CCDC146: variants seen among roughly 807,000 people sequenced by gnomAD.
CCDC146 encodes coiled-coil domain containing 146, also known as coiled-coil domain-containing protein 146.
CCDC146 carries 92 observed loss-of-function variants against 119.3 expected under a neutral mutation model. The ratio of observed to expected loss-of-function variants is 0.77; its 90% CI spans 0.65 to 0.92. CCDC146 has a LOEUF of 0.92. Among genes scored for constraint, CCDC146 ranks in the 40% least tolerant of loss-of-function variants. The pLI is 0.00. For missense variants in CCDC146, 1,000 were observed against 1,103.0 expected, an observed-to-expected ratio of 0.91 and a Z score of 1.32; for synonymous variants, 372 against 371.8, an observed-to-expected ratio of 1.00 and a Z score of -0.01.
chr7:77,177,958 A>C (rs983843030), intron 2 of CCDC146, among the ~76,000 whole-genome samples: 4 of 149,068 alleles, frequency 2.7e-5, no homozygotes, highest in African/African-American at 7.8e-5. Context: ...TGGGGTGGAA[A>C]TTTAAAAACT....
At chr7:77,163,311 G>T (rs1331745616) in intron 1 of CCDC146, among the ~76,000 whole-genome samples, 1 of 152,102 alleles carries the variant, frequency 6.6e-6, no homozygotes, top group Non-Finnish European at 1.5e-5. Context: ...AGCTGGGTGT[G>T]GTGGCACACG....
rs935867767 is a variant in CCDC146 at position 77,292,839 on chromosome 7, C to T, written c.2416-113C>T. 12 of 1,091,338 alleles carry T rather than the reference C, an allele frequency of 1.1e-5. No homozygotes were observed. The Admixed American group carries it at 1.9e-4, about 17-fold the overall frequency. The allele number at this position is 1,091,338 out of a possible 1,614,324, so 67.6% of individuals were successfully genotyped here. A position where few individuals can be genotyped will look rare whatever the true frequency, so the allele number is the denominator to read the frequency against. On this transcript the variant is annotated intron_variant, in intron 17 of 18. Transcript: ENST00000285871. ...AATTTCTGTGAATTCCAAGTTAGAC[C>T]CTCCTTCCTTCAGACAAAAATGCAC...
intron 11 of CCDC146, among the ~76,000 whole-genome samples, chr7:77,276,676 C>A (rs1793647596): frequency 6.6e-6 from 1 of 152,104 alleles, no homozygotes; most frequent in Admixed American, 6.5e-5. Context: ...AAGAAGTGGT[C>A]AGGGAGGACT....
chr7:77,186,660 G>A (rs532227490), intron 2 of CCDC146, among the ~76,000 whole-genome samples: 1 of 152,126 alleles, frequency 6.6e-6, no homozygotes, highest in South Asian at 2.1e-4. Context: ...AAATGCTTGA[G>A]GGGATGAATG....
At chr7:77,188,764 C>T (rs981163779) in intron 2 of CCDC146, among the ~76,000 whole-genome samples, 11 of 152,084 alleles carry the variant, frequency 7.2e-5, no homozygotes, top group Admixed American at 2.0e-4. Flanking sequence ...ACAAAAATAC[C>T]GTTGTTGACA....
intron 2 of CCDC146, among the ~76,000 whole-genome samples, chr7:77,175,850 T>C (rs1376680067): frequency 6.6e-6 from 1 of 151,356 alleles, no homozygotes; most frequent in South Asian, 2.1e-4. Flanking sequence ...CTAGATACCA[T>C]GAGAATTTAT....
intron 1 of CCDC146, among the ~76,000 whole-genome samples, chr7:77,166,585 T>C (rs1791340524): frequency 6.6e-6 from 1 of 151,812 alleles, no homozygotes; most frequent in Admixed American, 6.6e-5. Context: ...TATTACATTA[T>C]TGTTATTTTA....
At chr7:77,290,195 AACACATGG>A (rs1282406125) in intron 17 of CCDC146, among the ~76,000 whole-genome samples, 1 of 142,946 alleles carries the variant, frequency 7.0e-6, no homozygotes, top group Non-Finnish European at 1.5e-5. Context: ...GAACAATGAG[AACACATGG>A]ACACATGAAG....
At chr7:77,283,115 G>A (rs146265264) in intron 15 of CCDC146, among the ~76,000 whole-genome samples, 28 of 152,130 alleles carry the variant, frequency 1.8e-4, no homozygotes, top group African/African-American at 6.0e-4. Flanking sequence ...TAATTATGTC[G>A]TTGCTGCTTG....
chr7:77,274,566 A>C lies in CCDC146; in HGVS notation c.1354A>C (p.Lys452Gln). Residue 452 changes from lysine (K) to glutamine (Q), a missense_variant, in exon 11 of 19, where the codon AAA becomes CAA. This residue lies in a region of CCDC146 where 985 missense variants were observed against 1,045.3 expected (regional missense o/e 0.94). Transcript: ENST00000285871. ...NKLLKEQENM[K>Q]ELVVNLLRMT... The stretch of plus-strand genomic sequence containing the variant: ...GCTTTTAAAGGAGCAAGAAAACATG[A>C]AAGAGCTAGTAGTCAACCTTCTCCG... 6.2e-7 allele frequency: 1 copy of C among 1,613,448 alleles called. No homozygotes were observed. Among genetic ancestry groups the C allele is most frequent in the South Asian group, 1.1e-5 (1 of 91,012 alleles).
In CCDC146 at chr7:77,237,127, C is replaced by G. The variant is rs958281096; in HGVS notation, c.239+98C>G. 3 of 965,640 alleles carry G rather than the reference C, an allele frequency of 3.1e-6. 1 individual carries two copies. Among genetic ancestry groups the G allele is most frequent in the Non-Finnish European group, 1.6e-6 (1 of 613,414 alleles). The allele number at this position is 965,640 out of a possible 1,614,324, so 59.8% of individuals were successfully genotyped here. ...ATTTGCATTCCCCCATAAGCAGACC[C>G]TGAGGCAAGGATTTGCGTTCAGGGA... On this transcript the variant is annotated intron_variant, in intron 3 of 18. Transcript: ENST00000285871.
chr7:77,139,460 G>A (rs1416770286), intron 1 of CCDC146, among the ~76,000 whole-genome samples: 2 of 152,196 alleles, frequency 1.3e-5, no homozygotes, highest in Non-Finnish European at 2.9e-5. Context: ...TTATACATTT[G>A]TTCAGATACC....
At chr7:77,209,518 T>C (rs1289293312) in intron 2 of CCDC146, among the ~76,000 whole-genome samples, 2 of 152,208 alleles carry the variant, frequency 1.3e-5, no homozygotes, top group African/African-American at 2.4e-5. Context: ...TGCAAGCTGT[T>C]GGTGGATCTA....
intron 1 of CCDC146, among the ~76,000 whole-genome samples, chr7:77,144,118 A>T (rs901769044): frequency 1.3e-5 from 2 of 151,664 alleles, no homozygotes; most frequent in Non-Finnish European, 2.9e-5. Context: ...GTTCTCCTTG[A>T]AGAGGTCCTT....
chr7:77,240,996 T>C (rs1035059876), intron 3 of CCDC146, among the ~76,000 whole-genome samples: 17 of 149,184 alleles, frequency 1.1e-4, no homozygotes, highest in Admixed American at 9.9e-4. Context: ...GTTTGTTTGT[T>C]TGTTTTTTTG....
intron 4 of CCDC146, among the ~76,000 whole-genome samples, chr7:77,250,013 A>G (rs7810596): frequency 0.12 from 17,804 of 152,044 alleles, 1,212 homozygotes; most frequent in Non-Finnish European, 0.16. Context: ...GGAGTTTGCA[A>G]TATACATTTA....
At chr7:77,268,647 T>C (rs10276700) in intron 9 of CCDC146, among the ~76,000 whole-genome samples, 3,669 of 152,286 alleles carry the variant, frequency 0.024, 146 homozygotes, top group African/African-American at 0.083. Context: ...GAGAAAAATG[T>C]TAGTGAAAAA....
chr7:77,163,110 A>T (rs955847363), intron 1 of CCDC146, among the ~76,000 whole-genome samples: 5 of 152,144 alleles, frequency 3.3e-5, no homozygotes, highest in African/African-American at 1.2e-4. Flanking sequence ...TGCTCTGAGA[A>T]ATTGTCTGAA....
At chr7:77,132,948 G>A (rs1285146950) in intron 1 of CCDC146, among the ~76,000 whole-genome samples, 1 of 151,926 alleles carries the variant, frequency 6.6e-6, no homozygotes, top group East Asian at 1.9e-4. Context: ...AAGGTGGGTC[G>A]ATCACCTGAG....
Sources: allele counts gnomAD v4.1 joint callset (sites outside exome capture counted in the v4.1 genomes callset), GRCh38; gene constraint gnomAD v4.1.1; regional missense constraint gnomAD v4.1.1; transcripts MANE v1.5; gene names NCBI Gene and HGNC (gene_info 2026-07-23, HGNC 2026-07-21).